Variants in BRINP3 observed in about 807,000 individuals in gnomAD.
BRINP3 encodes the protein BMP/retinoic acid inducible neural specific 3.
BRINP3 carries 19 observed loss-of-function variants against 71.0 expected under a neutral mutation model. The ratio of observed to expected loss-of-function variants is 0.27; its 90% CI spans 0.19 to 0.39. The LOEUF (loss-of-function observed/expected upper bound fraction) is 0.39, where lower values mean the gene tolerates loss of function less well. Among genes scored for constraint, BRINP3 ranks in the 10% least tolerant of loss-of-function variants. The probability of loss-of-function intolerance (pLI) is 1.00; values close to 1 mark genes in which losing one functional copy is unlikely to be tolerated. For synonymous variants in BRINP3, 380 were observed against 337.7 expected, an observed-to-expected ratio of 1.13 and a Z score of -1.37; for missense variants, 959 against 940.8, an observed-to-expected ratio of 1.02 and a Z score of -0.25.
At chr1:190,419,334 T>C (rs776355186) in intron 2 of BRINP3, among the ~76,000 whole-genome samples, 31 of 152,092 alleles carry the variant, frequency 2.0e-4, no homozygotes, top group Non-Finnish European at 4.1e-4. Flanking sequence ...ATGTCTCTTT[T>C]TATTATTTTG....
At chr1:190,420,037 T>C (rs919442010) in intron 2 of BRINP3, among the ~76,000 whole-genome samples, 1 of 152,008 alleles carries the variant, frequency 6.6e-6, no homozygotes, top group African/African-American at 2.4e-5. Context: ...AACAAATCTA[T>C]ATATGAAACT....
intron 6 of BRINP3, among the ~76,000 whole-genome samples, chr1:190,187,330 T>C (rs983863446): frequency 3.3e-5 from 5 of 152,150 alleles, no homozygotes; most frequent in African/African-American, 1.2e-4. Flanking sequence ...TCTACTGGTT[T>C]TCACTTCATT....
intron 6 of BRINP3, among the ~76,000 whole-genome samples, chr1:190,219,076 A>G (rs965262644): frequency 8.5e-5 from 13 of 152,214 alleles, no homozygotes; most frequent in Non-Finnish European, 1.5e-4. Flanking sequence ...CACAACTAAG[A>G]GCCAAGAATA....
At chr1:190,238,099 T>G (rs1658699136) in intron 4 of BRINP3, among the ~76,000 whole-genome samples, 1 of 152,052 alleles carries the variant, frequency 6.6e-6, no homozygotes, top group Non-Finnish European at 1.5e-5. Context: ...ATTTTATACA[T>G]TTTGCCCCTG....
chr1:190,177,411 C>T (rs1288569899), intron 6 of BRINP3, among the ~76,000 whole-genome samples: 1 of 147,232 alleles, frequency 6.8e-6, no homozygotes. Flanking sequence ...ATCTCCTGAC[C>T]TTGTGATCCA....
chr1:190,277,486 A>C (rs1337141012), intron 3 of BRINP3, among the ~76,000 whole-genome samples: 1 of 151,668 alleles, frequency 6.6e-6, no homozygotes, highest in Non-Finnish European at 1.5e-5. Flanking sequence ...ATTTTGTTAT[A>C]ACATTTAATA....
At chr1:190,361,623 C>T (rs924049082) in intron 2 of BRINP3, among the ~76,000 whole-genome samples, 3 of 152,014 alleles carry the variant, frequency 2.0e-5, no homozygotes, top group Non-Finnish European at 4.4e-5. Context: ...AGGATGGTCT[C>T]AATCTCTTGA....
At chr1:190,184,423 C>G (rs890381014) in intron 6 of BRINP3, among the ~76,000 whole-genome samples, 2 of 152,136 alleles carry the variant, frequency 1.3e-5, no homozygotes, top group Non-Finnish European at 2.9e-5. Flanking sequence ...CAAAAAGACA[C>G]ATGCACTCAT....
At chr1:190,443,700 C>T (rs1043201906) in intron 2 of BRINP3, among the ~76,000 whole-genome samples, 8 of 152,108 alleles carry the variant, frequency 5.3e-5, no homozygotes, top group African/African-American at 1.9e-4. Context: ...GTCTGTTATC[C>T]TTGCCAAGAT....
chr1:190,194,298 G>A lies in BRINP3; in HGVS notation c.961+31784C>T, dbSNP rs189274694. ...TTCTCCTGTAGAACAAAGTGACAGTGCTCCTGCTGACACCTTGATTTTGGA... is the reference window on the plus strand; with the variant it reads ...TTCTCCTGTAGAACAAAGTGACAGTACTCCTGCTGACACCTTGATTTTGGA... On this transcript the variant is annotated intron_variant, in intron 6 of 7. Coordinates refer to ENST00000367462, the MANE Select transcript of BRINP3 (RefSeq NM_199051.3). Among the ~76,000 whole-genome samples the A allele has an allele frequency of 1.5e-3, 222 of 152,156 alleles. 1 individual carries two copies. Among genetic ancestry groups the A allele is most frequent in the African/African-American group, 5.3e-3 (220 of 41,556 alleles).
At chr1:190,208,987 T>C (rs74131319) in intron 6 of BRINP3, among the ~76,000 whole-genome samples, 1,709 of 152,202 alleles carry the variant, frequency 0.011, 23 homozygotes, top group African/African-American at 0.038. Context: ...CCTTTAAACT[T>C]GATCCATTAT....
At chr1:190,315,638 T>G (rs1665829730) in intron 2 of BRINP3, among the ~76,000 whole-genome samples, 1 of 152,150 alleles carries the variant, frequency 6.6e-6, no homozygotes. Context: ...AAAATGTTGT[T>G]GCTTTAAGTT....
intron 2 of BRINP3, among the ~76,000 whole-genome samples, chr1:190,350,982 C>T (rs1668349006): frequency 6.6e-6 from 1 of 152,014 alleles, no homozygotes; most frequent in South Asian, 2.1e-4. Context: ...GCCATCATGC[C>T]AGGCTAATTT....
At chr1:190,346,558 C>T (rs1668034366) in intron 2 of BRINP3, among the ~76,000 whole-genome samples, 1 of 152,040 alleles carries the variant, frequency 6.6e-6, no homozygotes, top group Non-Finnish European at 1.5e-5. Context: ...GCATTTCTTG[C>T]CAATATCTAC....
At chr1:190,160,536 G>C in intron 7 of BRINP3, 132 bp downstream of exon 7, 2 of 644,864 alleles carry the variant, frequency 3.1e-6, no homozygotes. Context: ...ACAATATATT[G>C]TTTTCAAATT....
At chr1:190,199,044 G>A (rs1315111605) in intron 6 of BRINP3, among the ~76,000 whole-genome samples, 1 of 152,072 alleles carries the variant, frequency 6.6e-6, no homozygotes, top group Non-Finnish European at 1.5e-5. Flanking sequence ...CACAATCATG[G>A]CAGAAGTCAA....
At chr1:190,173,219 G>A (rs979739262) in intron 6 of BRINP3, among the ~76,000 whole-genome samples, 4 of 152,154 alleles carry the variant, frequency 2.6e-5, no homozygotes, top group Non-Finnish European at 2.9e-5. Context: ...GTTGTGGATA[G>A]CAATGGATCC....
intron 2 of BRINP3, among the ~76,000 whole-genome samples, chr1:190,386,284 A>T (rs115311111): frequency 0.011 from 1,659 of 151,824 alleles, 26 homozygotes; most frequent in African/African-American, 0.038. Flanking sequence ...CTACAAAAAA[A>T]AATAATGACT....
chr1:190,208,134 T>A (rs75790530), intron 6 of BRINP3, among the ~76,000 whole-genome samples: 31 of 151,876 alleles, frequency 2.0e-4, no homozygotes, highest in African/African-American at 7.5e-4. Context: ...TTATTTTTTT[T>A]ATTTTTGTAA....
Sources: gnomAD v4.1 joint callset for allele counts (sites outside exome capture counted in the v4.1 genomes callset) on GRCh38, gnomAD v4.1.1 for gene constraint, MANE v1.5 for transcripts, NCBI Gene and HGNC (gene_info 2026-07-23, HGNC 2026-07-21) for gene names.